The following PTPRK variants were observed in gnomAD, a reference collection of about 807,000 sequenced individuals.
PTPRK encodes receptor-type tyrosine-protein phosphatase kappa.
In PTPRK, 75 loss-of-function variants were observed where a neutral mutation model predicts 178.0. The observed-to-expected ratio is 0.42, with a 90% CI of 0.35 to 0.51. The LOEUF is 0.51. Among genes scored for constraint, PTPRK ranks in the 20% least tolerant of loss-of-function variants. The pLI, the probability that PTPRK is intolerant of heterozygous loss-of-function variation, is 0.02. For synonymous variants in PTPRK, 637 were observed against 620.6 expected (o/e 1.03, Z -0.39); for missense variants, 1,441 against 1,797.8 (o/e 0.80, Z 3.59).
At chr6:128,138,109 A>G (rs891610199) in intron 7 of PTPRK, among the ~76,000 whole-genome samples, 6 of 152,102 alleles carry the variant, frequency 3.9e-5, no homozygotes, top group African/African-American at 1.4e-4. Flanking sequence ...TCCTTAAAAG[A>G]GCTAATATAT....
At chr6:127,985,063 G>C (rs1334852648) in intron 22 of PTPRK, among the ~76,000 whole-genome samples, 1 of 152,046 alleles carries the variant, frequency 6.6e-6, no homozygotes, top group African/African-American at 2.4e-5. Flanking sequence ...TTTAGGAAAC[G>C]CTTTTCAGAT....
At chr6:127,973,285 C>G in intron 28 of PTPRK, 128 bp from the exon 29 acceptor site, 1 of 1,464,378 alleles carries the variant, frequency 6.8e-7, no homozygotes. Context: ...CTTAATTTTG[C>G]TTTATATGTG....
chr6:128,320,222 A>T (rs1828599659), intron 3 of PTPRK, among the ~76,000 whole-genome samples: 1 of 152,210 alleles, frequency 6.6e-6, no homozygotes, highest in South Asian at 2.1e-4. Flanking sequence ...ACAAAGAATT[A>T]TTAATCCAGT....
chr6:128,019,922 G>A (rs1377239571), intron 13 of PTPRK, among the ~76,000 whole-genome samples: 1 of 152,146 alleles, frequency 6.6e-6, no homozygotes, highest in South Asian at 2.1e-4. Flanking sequence ...TTGAGGAACT[G>A]TATCATCTCA....
At chr6:128,432,745 AACAC>A (rs4053237) in intron 1 of PTPRK, among the ~76,000 whole-genome samples, 306 of 146,294 alleles carry the variant, frequency 2.1e-3, no homozygotes, top group Middle Eastern at 7.1e-3. Context: ...TGTGTTCACA[AACAC>A]ACACACACAC....
chr6:128,246,797 C>T (rs570024869), intron 3 of PTPRK, among the ~76,000 whole-genome samples: 26 of 152,298 alleles, frequency 1.7e-4, no homozygotes, highest in Non-Finnish European at 3.5e-4. Context: ...AATGAACAGG[C>T]TCTGCTTTCT....
At chr6:128,072,023 C>T (rs778949736) in intron 11 of PTPRK, among the ~76,000 whole-genome samples, 1 of 151,926 alleles carries the variant, frequency 6.6e-6, no homozygotes, top group Non-Finnish European at 1.5e-5. Flanking sequence ...TGTCTAATTA[C>T]CTAATGGAAC....
At chr6:128,370,494 T>C (rs1000996565) in intron 2 of PTPRK, among the ~76,000 whole-genome samples, 1 of 152,092 alleles carries the variant, frequency 6.6e-6, no homozygotes, top group Non-Finnish European at 1.5e-5. Flanking sequence ...ATAGTAATAT[T>C]ATTCATGAAG....
intron 3 of PTPRK, among the ~76,000 whole-genome samples, chr6:128,273,158 A>T (rs1479794710): frequency 6.6e-6 from 1 of 152,096 alleles, no homozygotes; most frequent in African/African-American, 2.4e-5. Flanking sequence ...GAACAATGAG[A>T]ACACTTGGAC....
In PTPRK at chr6:127,970,000, T is replaced by C; in HGVS notation, c.*227A>G. ...TCAATCTGGTTCTTATTAAATATAA[T>C]TTATGTGGCATGAAATGTTGATGCT... On this transcript the variant is annotated 3_prime_UTR_variant, in exon 30 of 30. Transcript: ENST00000368226. 2.3e-6 allele frequency: 1 copy of C among 426,566 alleles called. No homozygotes were observed. 26.4% of individuals were successfully genotyped at this position (426,566 alleles called of 1,614,324 possible).
At chr6:128,037,362 C>G (rs1266904941) in intron 13 of PTPRK, among the ~76,000 whole-genome samples, 1 of 152,152 alleles carries the variant, frequency 6.6e-6, no homozygotes, top group Non-Finnish European at 1.5e-5. Context: ...ATATCCTGCA[C>G]GATGGGCAAC....
At chr6:128,002,739 C>T (rs189221265) in intron 15 of PTPRK, among the ~76,000 whole-genome samples, 31 of 151,956 alleles carry the variant, frequency 2.0e-4, no homozygotes, top group African/African-American at 7.2e-4. Context: ...TTAATAAAGA[C>T]AAAAGCTAGA....
chr6:128,415,664 C>T (rs1842768264), intron 1 of PTPRK, among the ~76,000 whole-genome samples: 1 of 152,134 alleles, frequency 6.6e-6, no homozygotes. Context: ...GCAGATGAGC[C>T]TTGTTGAAGA....
intron 7 of PTPRK, among the ~76,000 whole-genome samples, chr6:128,167,011 T>C (rs1357759162): frequency 6.6e-6 from 1 of 151,728 alleles, no homozygotes; most frequent in Non-Finnish European, 1.5e-5. Context: ...ATAGCACTTC[T>C]GGAAAAATAT....
intron 7 of PTPRK, among the ~76,000 whole-genome samples, chr6:128,111,633 C>T (rs1454296290): frequency 6.6e-6 from 1 of 150,704 alleles, no homozygotes; most frequent in African/African-American, 2.4e-5. Flanking sequence ...TATAGGAACA[C>T]ACCTCCCTCC....
chr6:128,102,307 T>C (rs953395117), intron 7 of PTPRK, among the ~76,000 whole-genome samples: 4 of 152,244 alleles, frequency 2.6e-5, no homozygotes, highest in Admixed American at 6.5e-5. Context: ...CCTTTTCTTA[T>C]ATAACTCACT....
intron 2 of PTPRK, among the ~76,000 whole-genome samples, chr6:128,371,503 C>G (rs1836278232): frequency 6.6e-6 from 1 of 152,174 alleles, no homozygotes; most frequent in Non-Finnish European, 1.5e-5. Flanking sequence ...TGGAACACTT[C>G]AAAATCCATT....
chr6:128,220,257 T>C (rs890437998), intron 5 of PTPRK, among the ~76,000 whole-genome samples: 3 of 152,126 alleles, frequency 2.0e-5, no homozygotes, highest in Admixed American at 1.3e-4. Flanking sequence ...AGATCTTCTA[T>C]ATGCAATTAG....
chr6:128,032,601 G>A (rs1398125517), intron 13 of PTPRK, among the ~76,000 whole-genome samples: 15 of 152,074 alleles, frequency 9.9e-5, no homozygotes, highest in Non-Finnish European at 1.8e-4. Context: ...AGTAAACATC[G>A]CATATGAACT....
Sources: allele counts gnomAD v4.1 joint callset (sites outside exome capture counted in the v4.1 genomes callset), GRCh38; gene constraint gnomAD v4.1.1; transcripts MANE v1.5; gene names NCBI Gene and HGNC (gene_info 2026-07-23, HGNC 2026-07-21).